Variants in LRP1B observed in about 807,000 individuals in gnomAD.
LRP1B encodes the protein LDL receptor related protein 1B.
A neutral mutation model predicts 556.6 loss-of-function variants in LRP1B; 217 were observed. The observed-to-expected ratio is 0.39, with a 90% CI of 0.35 to 0.44. The LOEUF is 0.44. Among genes scored for constraint, LRP1B ranks in the 20% least tolerant of loss-of-function variants. The probability of loss-of-function intolerance (pLI) is 1.00; values close to 1 mark genes in which losing one functional copy is unlikely to be tolerated. For missense variants in LRP1B, 5,053 were observed against 5,620.8 expected (o/e 0.90, Z 3.23); for synonymous variants, 2,047 against 1,865.8 (o/e 1.10, Z -2.50).
chr2:140,833,725 T>G (rs747332861), intron 31 of LRP1B, among the ~76,000 whole-genome samples: 6 of 152,172 alleles, frequency 3.9e-5, no homozygotes, highest in Non-Finnish European at 5.9e-5. Context: ...TAATTGGCTT[T>G]CTTTCTCTGG....
At chr2:141,032,826 C>CATACATACATACATACATACATATAT in intron 11 of LRP1B, among the ~76,000 whole-genome samples, 2 of 126,616 alleles carry the variant, frequency 1.6e-5, no homozygotes, top group Non-Finnish European at 3.3e-5. Flanking sequence ...TATATACATA[C>CATACATACATACATACATACATATAT]ATATATATAT....
At chr2:141,641,560 T>C in intron 2 of LRP1B, among the ~76,000 whole-genome samples, 1 of 152,286 alleles carries the variant, frequency 6.6e-6, no homozygotes, top group African/African-American at 2.4e-5. Flanking sequence ...AAATATACAT[T>C]CAACCCTTAA....
chr2:140,600,769 T>TTC (rs1477982022), intron 42 of LRP1B, among the ~76,000 whole-genome samples: 36 of 77,098 alleles, frequency 4.7e-4, no homozygotes, highest in African/African-American at 1.2e-3. Context: ...TCTTCGGGGT[T>TTC]TTTTTTTTTT....
chr2:141,974,891 TCA>T (rs766365640), intron 1 of LRP1B, among the ~76,000 whole-genome samples: 12 of 152,108 alleles, frequency 7.9e-5, no homozygotes, highest in South Asian at 6.2e-4. Context: ...TTACTTGCTT[TCA>T]CAGTTTGCCC....
chr2:141,582,984 C>T lies in LRP1B; in HGVS notation c.206-102451G>A, dbSNP rs185260882. Among the ~76,000 whole-genome samples the T allele has an allele frequency of 3.3e-5, 5 of 151,742 alleles. No homozygotes were observed. The East Asian group carries it at 7.8e-4, about 24-fold the overall frequency. On this transcript the variant is annotated intron_variant, in intron 2 of 90. Transcript: ENST00000389484. ...CTGAGTAACTGGGACTACAGGCACC[C>T]GCCACCATGCCTGGCTAATTTTTTT... is the stretch of plus-strand genomic sequence containing the variant.
At chr2:141,258,415 G>A (rs968259143) in intron 3 of LRP1B, among the ~76,000 whole-genome samples, 1 of 152,070 alleles carries the variant, frequency 6.6e-6, no homozygotes, top group Non-Finnish European at 1.5e-5. Flanking sequence ...GAACCCAGGA[G>A]GCAGAGGATA....
At chr2:140,387,623 C>T (rs1371696785) in intron 66 of LRP1B, among the ~76,000 whole-genome samples, 5 of 151,354 alleles carry the variant, frequency 3.3e-5, no homozygotes, top group African/African-American at 7.3e-5. Context: ...TCCTTTTCTT[C>T]CTGCCTGCTA....
intron 2 of LRP1B, among the ~76,000 whole-genome samples, chr2:141,499,351 T>C (rs1683630278): frequency 6.6e-6 from 1 of 152,098 alleles, no homozygotes; most frequent in Non-Finnish European, 1.5e-5. Context: ...CCACTGCCCA[T>C]GTAACTATAT....
At chr2:141,537,659 T>C (rs1406537773) in intron 2 of LRP1B, among the ~76,000 whole-genome samples, 4 of 152,168 alleles carry the variant, frequency 2.6e-5, no homozygotes, top group Admixed American at 1.3e-4. Flanking sequence ...CGGCTTTCAG[T>C]GAATTTAAAA....
chr2:141,183,099 T>C (rs1342585150), intron 7 of LRP1B, among the ~76,000 whole-genome samples: 1 of 151,862 alleles, frequency 6.6e-6, no homozygotes, highest in African/African-American at 2.4e-5. Context: ...GGGGGAGCAA[T>C]CTCTGTATTT....
intron 67 of LRP1B, among the ~76,000 whole-genome samples, chr2:140,382,949 T>C (rs1683587762): frequency 6.6e-6 from 1 of 152,192 alleles, no homozygotes. Flanking sequence ...CCCTACAGTA[T>C]TCAGTACAGT....
intron 1 of LRP1B, among the ~76,000 whole-genome samples, chr2:141,844,931 A>G (rs1439045027): frequency 6.6e-6 from 1 of 151,914 alleles, no homozygotes; most frequent in Non-Finnish European, 1.5e-5. Flanking sequence ...AGAATTTTCA[A>G]AATTTCTTCA....
rs560714230 is a variant in LRP1B at position 140,991,170 on chromosome 2, T to C, written c.2645-1513A>G. ...GCCGAGAGAAATATAAGTCATCTGATGTATTAGAGAGCCAACAATTTAAAG... is the reference window on the plus strand; with the variant it reads ...GCCGAGAGAAATATAAGTCATCTGACGTATTAGAGAGCCAACAATTTAAAG... On this transcript the variant is annotated intron_variant, in intron 16 of 90. Transcript: ENST00000389484. Among the ~76,000 whole-genome samples, 170 of 152,288 alleles carry C rather than the reference T, an allele frequency of 1.1e-3. No homozygotes were observed. In the South Asian group the frequency reaches 0.015, roughly 13 times the overall value.
At chr2:141,324,044 AC>A (rs1687348760) in intron 3 of LRP1B, among the ~76,000 whole-genome samples, 1 of 150,998 alleles carries the variant, frequency 6.6e-6, no homozygotes, top group African/African-American at 2.4e-5. Flanking sequence ...ACACACACAC[AC>A]ACACACACAC....
chr2:141,366,056 T>C (rs1195966937), intron 3 of LRP1B, among the ~76,000 whole-genome samples: 2 of 152,240 alleles, frequency 1.3e-5, no homozygotes, highest in African/African-American at 2.4e-5. Flanking sequence ...TTTAAGTTGA[T>C]GAATATAAAA....
intron 77 of LRP1B, among the ~76,000 whole-genome samples, chr2:140,337,183 G>A (rs1441447309): frequency 4.0e-5 from 6 of 151,756 alleles, no homozygotes; most frequent in East Asian, 1.9e-4. Context: ...AGGAAAATAC[G>A]GCTTACATTA....
chr2:141,202,123 C>A (rs1482669777), intron 6 of LRP1B, among the ~76,000 whole-genome samples: 1 of 152,188 alleles, frequency 6.6e-6, no homozygotes, highest in Non-Finnish European at 1.5e-5. Flanking sequence ...ACACCCATCC[C>A]TGACAGGCCT....
At chr2:141,782,471 A>G (rs1229676522) in intron 2 of LRP1B, among the ~76,000 whole-genome samples, 1 of 137,870 alleles carries the variant, frequency 7.3e-6, no homozygotes, top group Non-Finnish European at 1.6e-5. Flanking sequence ...GCAAAGTTCA[A>G]TTGTTTTGGT....
At chr2:141,433,669 T>G (rs1047712912) in intron 3 of LRP1B, among the ~76,000 whole-genome samples, 1 of 151,688 alleles carries the variant, frequency 6.6e-6, no homozygotes, top group Non-Finnish European at 1.5e-5. Context: ...ACTTGATGAG[T>G]TGTTTCCACC....
Sources: allele counts gnomAD v4.1 joint callset (sites outside exome capture counted in the v4.1 genomes callset), GRCh38; gene constraint gnomAD v4.1.1; transcripts MANE v1.5; gene names NCBI Gene and HGNC (gene_info 2026-07-23, HGNC 2026-07-21).